The following GLB1L3 variants were observed in gnomAD, a reference collection of about 807,000 sequenced individuals.
GLB1L3 encodes the protein galactosidase beta 1 like 3, also known as beta-galactosidase-1-like protein 3.
In GLB1L3, 89 loss-of-function variants were observed where a neutral mutation model predicts 89.5. That is an observed-to-expected ratio of 0.99 (90% CI 0.84 to 1.19). GLB1L3 has a LOEUF of 1.19. GLB1L3 is among the 50% of genes most tolerant of loss of function. The probability of loss-of-function intolerance (pLI) is 0.00; values close to 1 mark genes in which losing one functional copy is unlikely to be tolerated. For synonymous variants in GLB1L3, 314 were observed against 312.3 expected (o/e 1.01, Z -0.06); for missense variants, 812 against 813.3 (o/e 1.00, Z 0.02).
chr11:134,308,263 CACCACCACCACCACCACCAAAT>C (rs1942362478), intron 10 of GLB1L3, among the ~76,000 whole-genome samples: 1 of 46,808 alleles, frequency 2.1e-5, no homozygotes, highest in Admixed American at 1.4e-4. Flanking sequence ...TCACCACCAC[CACCACCACCACCACCACCAAAT>C]ACCACCACCA....
At chr11:134,281,163 G>A (rs538789895) in intron 3 of GLB1L3, among the ~76,000 whole-genome samples, 11 of 152,350 alleles carry the variant, frequency 7.2e-5, no homozygotes, top group African/African-American at 2.4e-4. Context: ...AGCATCATAG[G>A]ATAATTGGCA....
chr11:134,276,875 C>T, intron 1 of GLB1L3, 112 bp downstream of exon 1: 1 of 968,510 alleles, frequency 1.0e-6, no homozygotes, highest in Non-Finnish European at 1.4e-6. Context: ...ACGCGCCGCG[C>T]CGGGCCGCGC....
chr11:134,293,065 C>A (rs1941445335), intron 8 of GLB1L3, 80 bp from the exon 9 acceptor site: 1 of 1,164,294 alleles, frequency 8.6e-7, no homozygotes, highest in Non-Finnish European at 1.3e-6. Flanking sequence ...CTGCGTGCGT[C>A]CGGGCCGGGG....
intron 10 of GLB1L3, among the ~76,000 whole-genome samples, chr11:134,308,157 ACACCACCACCAGCACCACCAC>A (rs1942291811): frequency 1.3e-5 from 1 of 79,930 alleles, no homozygotes; most frequent in South Asian, 4.2e-4. Context: ...ATCATCACCA[ACACCACCACCAGCACCACCAC>A]CATCACCATC....
At chr11:134,325,303 C>T in the GLB1L3 span, among the ~76,000 whole-genome samples, 1 of 152,174 alleles carries the variant, frequency 6.6e-6, no homozygotes, top group East Asian at 1.9e-4. Flanking sequence ...CTATGGATAC[C>T]GAAATCCACA....
In GLB1L3 at chr11:134,282,079, C is replaced by A. The variant is rs779828657; in HGVS notation, c.486C>A (p.Gly162=). 9.6e-6 allele frequency: 15 copies of A among 1,563,302 alleles called. No individual in the cohort carries two copies. The African/African-American group carries it at 1.5e-4, about 16-fold the overall frequency. ...GGCTGTGGGTGATTCTGCGTCCAGGCCGCTACATCTGCAGTGAGATGGACC... is the reference window on the plus strand; with the variant it reads ...GGCTGTGGGTGATTCTGCGTCCAGGACGCTACATCTGCAGTGAGATGGACC... ...EIGLWVILRP[G]RYICSEMDLG... is the part of the protein sequence containing the mutation. Residue 162 remains glycine, a synonymous_variant, in exon 5 of 20, where the codon GGC becomes GGA. Coordinates refer to ENST00000431683, the MANE Select transcript of GLB1L3 (RefSeq NM_001080407.3).
intron 9 of GLB1L3, among the ~76,000 whole-genome samples, chr11:134,302,211 C>G (rs1020022144): frequency 6.6e-6 from 1 of 152,158 alleles, no homozygotes; most frequent in African/African-American, 2.4e-5. Context: ...CTCCTAAGAA[C>G]CCTGTTGCTT....
chr11:134,276,176 C>T (rs1379380184), upstream of GLB1L3: 1 of 152,392 alleles, frequency 6.6e-6, no homozygotes, highest in African/African-American at 2.4e-5. Flanking sequence ...CCTCCCAAGG[C>T]TCTGCGCCCC....
chr11:134,308,247 C>CCACCAT (rs1942352435), intron 10 of GLB1L3, among the ~76,000 whole-genome samples: 1 of 26,490 alleles, frequency 3.8e-5, no homozygotes, highest in African/African-American at 1.9e-4. Context: ...ATCACCATCA[C>CCACCAT]CACCATCACC....
chr11:134,311,200 G>A (rs763448951), intron 13 of GLB1L3, 30 bp downstream of exon 13: 5 of 1,525,972 alleles, frequency 3.3e-6, no homozygotes, highest in Non-Finnish European at 4.5e-6. Flanking sequence ...AGGAGGCGGA[G>A]TGGCCATTGG....
the GLB1L3 span, among the ~76,000 whole-genome samples, chr11:134,324,885 ATATT>A: frequency 3.9e-4 from 60 of 152,140 alleles, no homozygotes; most frequent in Non-Finnish European, 7.4e-4. Context: ...GTGTTAATAT[ATATT>A]TATTACTTAT....
intron 10 of GLB1L3, among the ~76,000 whole-genome samples, 199 bp from the exon 11 acceptor site, chr11:134,309,427 A>T (rs7924934): frequency 1.3e-5 from 2 of 151,992 alleles, no homozygotes; most frequent in African/African-American, 4.8e-5. Context: ...TTGTTTCATT[A>T]TAAAATTGAG....
chr11:134,308,446 TCACCACCACCACCACCAC>T (rs1164537686), intron 10 of GLB1L3, among the ~76,000 whole-genome samples: 19 of 16,834 alleles, frequency 1.1e-3, no homozygotes, highest in African/African-American at 3.9e-3. Flanking sequence ...ACCACCACCA[TCACCACCACCACCACCAC>T]CACCACCAAA....
intron 12 of GLB1L3, 79 bp downstream of exon 12, chr11:134,310,730 G>A: frequency 1.8e-6 from 2 of 1,115,172 alleles, no homozygotes; most frequent in Non-Finnish European, 2.7e-6. Context: ...AGGAAGGCGT[G>A]GGTCTCCCTT....
intron 18 of GLB1L3, among the ~76,000 whole-genome samples, chr11:134,318,397 A>G (rs541044563): frequency 1.3e-5 from 2 of 152,364 alleles, no homozygotes; most frequent in South Asian, 4.1e-4. Context: ...ATAACATTAT[A>G]TATCACATAA....
At chr11:134,303,454 T>TA (rs958809834) in intron 9 of GLB1L3, among the ~76,000 whole-genome samples, 27 of 152,152 alleles carry the variant, frequency 1.8e-4, no homozygotes, top group African/African-American at 5.3e-4. Context: ...TTCGACTATT[T>TA]AAAAAAATCA....
intron 11 of GLB1L3, chr11:134,310,270 TGCATTCAAAGCCATCCTGGGCC>T: frequency 2.3e-6 from 1 of 442,614 alleles, no homozygotes; most frequent in Non-Finnish European, 4.1e-6. Context: ...TGTGTTGGGC[TGCATTCAAAGCCATCCTGGGCC>T]GCCTGTAGCC....
Position 134,283,390 on chromosome 11 carries a change from A to C in GLB1L3, c.528-347A>C, listed in dbSNP as rs775783514. ...AAAAATGTTTTCAATAAACTGAAAAAGAATAGAGAGTGTTCACCAAAAGGT... is the reference window on the plus strand; with the variant it reads ...AAAAATGTTTTCAATAAACTGAAAACGAATAGAGAGTGTTCACCAAAAGGT... On this transcript the variant is annotated intron_variant, in intron 5 of 19. Transcript: ENST00000431683. 8.5e-5 allele frequency among the ~76,000 whole-genome samples: 13 copies of C among 152,200 alleles called. No homozygotes were observed. In the South Asian group the frequency reaches 1.0e-3, roughly 12 times the overall value.
At chr11:134,308,500 TACCACCACCACCAC>T (rs1942492324) in intron 10 of GLB1L3, among the ~76,000 whole-genome samples, 4 of 15,452 alleles carry the variant, frequency 2.6e-4, no homozygotes, top group Non-Finnish European at 5.1e-4. Context: ...CACCACCAAA[TACCACCACCACCAC>T]CACCATGTCC....
Sources: gnomAD v4.1 joint callset for allele counts (sites outside exome capture counted in the v4.1 genomes callset) on GRCh38, gnomAD v4.1.1 for gene constraint, MANE v1.5 for transcripts, NCBI Gene and HGNC (gene_info 2026-07-23, HGNC 2026-07-21) for gene names.